HESX1: variants seen among roughly 807,000 people sequenced by gnomAD.
HESX1 encodes the protein HESX homeobox 1.
In HESX1, 11 loss-of-function variants were observed where a neutral mutation model predicts 22.5. The observed-to-expected ratio is 0.49, with a 90% CI of 0.31 to 0.81. HESX1 has a LOEUF of 0.81. Among genes scored for constraint, HESX1 ranks in the 30% least tolerant of loss-of-function variants. The pLI is 0.05. For missense variants in HESX1, 201 were observed against 212.6 expected, an observed-to-expected ratio of 0.95 and a Z score of 0.34; for synonymous variants, 74 against 76.5, an observed-to-expected ratio of 0.97 and a Z score of 0.17.
chr3:57,202,682 T>C (rs572052129), upstream of HESX1, among the ~76,000 whole-genome samples: 6 of 152,282 alleles, frequency 3.9e-5, no homozygotes, highest in Non-Finnish European at 5.9e-5. Context: ...CCAGACATTA[T>C]TATAGGTGCT....
intron 1 of HESX1, among the ~76,000 whole-genome samples, chr3:57,216,765 T>C (rs1350366264): frequency 6.6e-6 from 1 of 152,232 alleles, no homozygotes; most frequent in Admixed American, 6.5e-5. Flanking sequence ...TGATATTTAA[T>C]TTTGATTAAG....
rs142615159 is a variant in HESX1 at position 57,198,765 on chromosome 3, A to G, written c.345T>C (p.Phe115=). The part of the protein sequence containing the change: ...WYRGRRPRTA[F]TQNQIEVLEN... Reference sequence around the variant, plus strand: ...AAAAACTTCCCACCTGGTTTTGAGTAAAAGCAGTTCTTGGTCTTCGGCCTC... The same window carrying G: ...AAAAACTTCCCACCTGGTTTTGAGTGAAAGCAGTTCTTGGTCTTCGGCCTC... Residue 115 remains phenylalanine, a synonymous_variant, in exon 2 of 4, where the codon TTT becomes TTC. Coordinates refer to ENST00000295934, the MANE Select transcript of HESX1 (RefSeq NM_003865.3). 2.5e-6 allele frequency: 4 copies of G among 1,613,980 alleles called. No individual in the cohort carries two copies. Among genetic ancestry groups the G allele is most frequent in the Non-Finnish European group, 2.5e-6 (3 of 1,179,948 alleles).
chr3:57,224,100 C>T (rs1197291299), intron 1 of HESX1, among the ~76,000 whole-genome samples: 1 of 152,148 alleles, frequency 6.6e-6, no homozygotes, highest in African/African-American at 2.4e-5. Context: ...TCAAGCGATT[C>T]TCCTGCCTCA....
At chr3:57,222,093 T>C (rs6794393) in intron 1 of HESX1, among the ~76,000 whole-genome samples, 56,224 of 152,088 alleles carry the variant, frequency 0.37, 12,548 homozygotes, top group East Asian at 0.92. Flanking sequence ...TGCCATCTAG[T>C]GTTCTTGGAA....
rs1319945046 is a variant in HESX1 at position 57,199,869 on chromosome 3, G to A, written c.50C>T (p.Ser17Leu). The change falls in exon 1 of 4, where the codon TCA becomes TTA. Residue 17 changes from serine to leucine, a missense_variant. Ser to Leu is a moderately radical substitution (Grantham distance 145). Transcript: ENST00000295934. ...TCTCTCAATTGAAAAGGAGCAAGTT[G>A]AGGGTTTGTTTTCCCCGAGCTGAGC... ...EGAQLGENKP[S>L]TCSFSIERIL... 6.2e-7 allele frequency: 1 copy of A among 1,614,112 alleles called. No homozygotes were observed. Among genetic ancestry groups the A allele is most frequent in the Admixed American group, 1.7e-5 (1 of 60,012 alleles).
At chr3:57,221,857 G>A (rs1294723087) in intron 1 of HESX1, among the ~76,000 whole-genome samples, 5 of 151,402 alleles carry the variant, frequency 3.3e-5, no homozygotes, top group Non-Finnish European at 7.4e-5. Flanking sequence ...CACCCGCCTT[G>A]GCCTCCCAAA....
chr3:57,204,454 G>T (rs538183934), upstream of HESX1, among the ~76,000 whole-genome samples: 121 of 152,330 alleles, frequency 7.9e-4, 3 homozygotes, highest in South Asian at 0.024. Flanking sequence ...AGATGACTAG[G>T]TTTTTTGGCT....
At chr3:57,201,663 C>G (rs909368280), upstream of HESX1, among the ~76,000 whole-genome samples, 4 of 150,416 alleles carry the variant, frequency 2.7e-5, no homozygotes, top group African/African-American at 9.8e-5. Flanking sequence ...TGAATTAGTG[C>G]AGGAAGTGGA....
At chr3:57,200,622 T>C (rs1406160455), upstream of HESX1, among the ~76,000 whole-genome samples, 1 of 152,230 alleles carries the variant, frequency 6.6e-6, no homozygotes, top group Non-Finnish European at 1.5e-5. Context: ...CACCAAGTAT[T>C]TTAAATAATT....
intron 1 of HESX1, among the ~76,000 whole-genome samples, chr3:57,211,470 C>T (rs886910953): frequency 1.6e-5 from 2 of 128,966 alleles, no homozygotes; most frequent in Non-Finnish European, 3.1e-5. Context: ...GTTGAGGCTG[C>T]AATGAACTGT....
intron 1 of HESX1, among the ~76,000 whole-genome samples, chr3:57,209,730 C>G (rs1579358137): frequency 6.6e-6 from 1 of 150,796 alleles, no homozygotes; most frequent in Non-Finnish European, 1.5e-5. Context: ...AAACAAACAC[C>G]TTTGTTTTGT....
At chr3:57,214,922 C>G (rs2060575317) in intron 1 of HESX1, among the ~76,000 whole-genome samples, 1 of 152,032 alleles carries the variant, frequency 6.6e-6, no homozygotes. Context: ...GTTTATCAGT[C>G]AAAATACAAT....
At chr3:57,199,069 A>G (rs2060467011) in intron 1 of HESX1, 117 bp from the exon 2 acceptor site, 4 of 943,510 alleles carry the variant, frequency 4.2e-6, no homozygotes, top group Non-Finnish European at 6.7e-6. Context: ...GGGGTTCACA[A>G]GAGAATTGCA....
intron 1 of HESX1, among the ~76,000 whole-genome samples, chr3:57,209,286 C>T (rs1160569695): frequency 1.3e-5 from 2 of 152,302 alleles, no homozygotes; most frequent in East Asian, 1.9e-4. Flanking sequence ...AGACAGAGAA[C>T]ATTTCCATAA....
intron 1 of HESX1, among the ~76,000 whole-genome samples, chr3:57,209,727 C>T (rs2060542062): frequency 7.3e-6 from 1 of 137,232 alleles, no homozygotes; most frequent in Non-Finnish European, 1.6e-5. Context: ...AAAAAACAAA[C>T]ACCTTTGTTT....
upstream of HESX1, among the ~76,000 whole-genome samples, chr3:57,201,941 CAG>C (rs1359419173): frequency 1.3e-4 from 20 of 148,154 alleles, no homozygotes; most frequent in African/African-American, 4.8e-4. Context: ...TTTTTTGAGA[CAG>C]AGTCTTGCTC....
intron 1 of HESX1, among the ~76,000 whole-genome samples, chr3:57,206,764 A>G (rs1167896610): frequency 6.6e-6 from 1 of 152,226 alleles, no homozygotes; most frequent in African/African-American, 2.4e-5. Flanking sequence ...TCTGGAGGAA[A>G]GCATCCCTAA....
rs750666849 is a variant in HESX1 at position 57,221,922 on chromosome 3, A to C, written c.-111+4374T>G. ...TCCCGGCCAATATGCTATACTTCTA[A>C]TACTACTTACTATGTTTATTTTTTA... On this transcript the variant is annotated intron_variant, in intron 1 of 2. Transcript: ENST00000495160. Among the ~76,000 whole-genome samples, 84 of 152,302 alleles carry C rather than the reference A, an allele frequency of 5.5e-4. No individual in the cohort carries two copies. The Middle Eastern group carries it at 0.01, about 19-fold the overall frequency.
intron 1 of HESX1, among the ~76,000 whole-genome samples, chr3:57,213,208 G>T (rs985283657): frequency 1.3e-5 from 2 of 152,106 alleles, no homozygotes; most frequent in African/African-American, 4.8e-5. Context: ...TACCATTTTG[G>T]CAATGAACAT....
Sources: allele counts gnomAD v4.1 joint callset (sites outside exome capture counted in the v4.1 genomes callset), GRCh38; gene constraint gnomAD v4.1.1; transcripts MANE v1.5; gene names NCBI Gene and HGNC (gene_info 2026-07-23, HGNC 2026-07-21).